Variants in NRXN1 observed in about 807,000 individuals in gnomAD.
NRXN1 encodes the protein neurexin-1.
Under a neutral mutation model 150.9 loss-of-function variants are expected in NRXN1, and 39 were observed. That is an observed-to-expected ratio of 0.26 (90% CI 0.20 to 0.34). The LOEUF is 0.34. Ranked by LOEUF, NRXN1 falls within the 10% of genes least tolerant of loss-of-function variation. The pLI is 1.00. For synonymous variants in NRXN1, 924 were observed against 757.0 expected, an observed-to-expected ratio of 1.22 and a Z score of -3.62; for missense variants, 1,815 against 1,949.9, an observed-to-expected ratio of 0.93 and a Z score of 1.30.
chr2:50,664,129 A>G (rs1687678783), intron 5 of NRXN1, among the ~76,000 whole-genome samples: 5 of 152,052 alleles, frequency 3.3e-5, no homozygotes, highest in Admixed American at 2.6e-4. Context: ...GCACAATTAA[A>G]CAAACCAATT....
intron 22 of NRXN1, 37 bp downstream of exon 22, chr2:49,943,667 A>T: frequency 7.2e-7 from 1 of 1,387,836 alleles, no homozygotes; most frequent in African/African-American, 1.4e-5. Flanking sequence ...AAAGATTTAC[A>T]GTAAAGCCAA....
At chr2:50,380,289 T>C (rs2080857448) in intron 17 of NRXN1, among the ~76,000 whole-genome samples, 1 of 151,762 alleles carries the variant, frequency 6.6e-6, no homozygotes, top group African/African-American at 2.4e-5. Context: ...TGTGTGTGTG[T>C]GTGTGTGCGT....
At position 50,804,616 on chromosome 2, in the gene NRXN1, C is replaced by T. The variant is rs560413743; in HGVS notation, c.832+117253G>A. Reference sequence around the variant, plus strand: ...ATGTGAATACAGTTAACACTGTGCACTTTGAACAAAAGAAAAGGAAGTAAA... The same window carrying T: ...ATGTGAATACAGTTAACACTGTGCATTTTGAACAAAAGAAAAGGAAGTAAA... On this transcript the variant is annotated intron_variant, in intron 5 of 22. Transcript: ENST00000401669. 3.3e-5 allele frequency among the ~76,000 whole-genome samples: 5 copies of T among 152,252 alleles called. 1 individual carries two copies. Among genetic ancestry groups the T allele is most frequent in the African/African-American group, 9.6e-5 (4 of 41,554 alleles).
At chr2:50,688,216 ACTAATGCTGTCCCTGAGGAT>A (rs1691540040) in intron 5 of NRXN1, among the ~76,000 whole-genome samples, 1 of 152,116 alleles carries the variant, frequency 6.6e-6, no homozygotes, top group African/African-American at 2.4e-5. Context: ...TTTTCCTGAG[ACTAATGCTGTCCCTGAGGAT>A]AGTCTATGGG....
intron 21 of NRXN1, among the ~76,000 whole-genome samples, chr2:50,009,992 T>C (rs1428513858): frequency 6.6e-6 from 1 of 152,106 alleles, no homozygotes; most frequent in East Asian, 1.9e-4. Context: ...ATTAAATATA[T>C]TTTTGCACTC....
intron 21 of NRXN1, among the ~76,000 whole-genome samples, chr2:50,045,317 A>G (rs979364755): frequency 6.6e-6 from 1 of 152,212 alleles, no homozygotes; most frequent in Non-Finnish European, 1.5e-5. Context: ...AGTATGGTTA[A>G]CACACACATA....
intron 5 of NRXN1, among the ~76,000 whole-genome samples, chr2:50,733,896 T>G (rs1252782417): frequency 6.6e-6 from 1 of 152,128 alleles, no homozygotes; most frequent in East Asian, 1.9e-4. Context: ...AAAAACTCTA[T>G]TTTTTTCACA....
intron 21 of NRXN1, chr2:49,974,016 C>T (rs200750736): frequency 2.7e-4 from 195 of 717,452 alleles, no homozygotes; most frequent in South Asian, 2.3e-3. Context: ...TCTGGCTACC[C>T]TGCGTGCTTA....
chr2:50,251,511 T>A (rs559517660), intron 17 of NRXN1, among the ~76,000 whole-genome samples: 15 of 152,344 alleles, frequency 9.8e-5, no homozygotes, highest in Non-Finnish European at 1.8e-4. Context: ...TGTATCTTTA[T>A]AATAGAATGA....
chr2:50,648,942 T>A (rs909130518), intron 5 of NRXN1, among the ~76,000 whole-genome samples: 2 of 151,932 alleles, frequency 1.3e-5, no homozygotes, highest in Non-Finnish European at 2.9e-5. Context: ...TAAACATATA[T>A]CCATGTAAAT....
chr2:49,976,308 T>C (rs1362689697), intron 21 of NRXN1, among the ~76,000 whole-genome samples: 2 of 151,726 alleles, frequency 1.3e-5, no homozygotes, highest in Admixed American at 1.3e-4. Flanking sequence ...ACCAGGATTA[T>C]AGAGGCATGA....
chr2:49,989,600 T>C (rs1329280368), intron 21 of NRXN1, among the ~76,000 whole-genome samples: 1 of 152,114 alleles, frequency 6.6e-6, no homozygotes, highest in Non-Finnish European at 1.5e-5. Flanking sequence ...AGTAAGGGCA[T>C]TAGTAAAGGC....
intron 21 of NRXN1, among the ~76,000 whole-genome samples, chr2:50,048,346 C>T (rs1692161168): frequency 6.6e-6 from 1 of 151,862 alleles, no homozygotes; most frequent in Admixed American, 6.6e-5. Flanking sequence ...TTCATGTCAC[C>T]AGTATTTTTT....
At chr2:50,741,905 CTG>C (rs1699472974) in intron 5 of NRXN1, among the ~76,000 whole-genome samples, 1 of 152,142 alleles carries the variant, frequency 6.6e-6, no homozygotes, top group Admixed American at 6.5e-5. Flanking sequence ...ACAGACATCT[CTG>C]AGAACTGGGA....
At chr2:50,129,702 G>A (rs1047639141) in intron 18 of NRXN1, among the ~76,000 whole-genome samples, 5 of 152,102 alleles carry the variant, frequency 3.3e-5, no homozygotes, top group African/African-American at 1.2e-4. Context: ...AATCTTTATA[G>A]ATGCCCAGCA....
At chr2:50,131,062 C>G (rs923107595) in intron 18 of NRXN1, among the ~76,000 whole-genome samples, 33 of 152,150 alleles carry the variant, frequency 2.2e-4, no homozygotes, top group Non-Finnish European at 2.9e-4. Context: ...ATCAGTTGAG[C>G]ACCTCTGAAA....
chr2:50,422,225 G>A (rs970478619), intron 17 of NRXN1, among the ~76,000 whole-genome samples: 4 of 152,236 alleles, frequency 2.6e-5, no homozygotes, highest in Admixed American at 2.0e-4. Context: ...GTTCTGGGAT[G>A]TTAGAGGCTC....
chr2:50,772,507 C>CA (rs998491147), intron 5 of NRXN1, among the ~76,000 whole-genome samples: 224 of 145,438 alleles, frequency 1.5e-3, no homozygotes, highest in Admixed American at 4.9e-3. Flanking sequence ...CTTGGTTTTA[C>CA]AAAAAAAAAA....
intron 2 of NRXN1, among the ~76,000 whole-genome samples, chr2:50,986,214 A>G (rs1314419877): frequency 2.0e-5 from 3 of 151,896 alleles, no homozygotes; most frequent in African/African-American, 4.8e-5. Context: ...GGTGAGGAGA[A>G]TTAAAACAGA....
Sources: gnomAD v4.1 joint callset for allele counts (sites outside exome capture counted in the v4.1 genomes callset) on GRCh38, gnomAD v4.1.1 for gene constraint, MANE v1.5 for transcripts, NCBI Gene and HGNC (gene_info 2026-07-23, HGNC 2026-07-21) for gene names.